The following CCDC30 variants were observed in gnomAD, a reference collection of about 807,000 sequenced individuals.
The protein encoded by CCDC30 is coiled-coil domain containing 30.
A neutral mutation model predicts 100.2 loss-of-function variants in CCDC30; 70 were observed. The ratio of observed to expected loss-of-function variants is 0.70; its 90% CI spans 0.58 to 0.85. The LOEUF (loss-of-function observed/expected upper bound fraction) is 0.85. Among genes scored for constraint, CCDC30 ranks in the 40% least tolerant of loss-of-function variants. The pLI, the probability that CCDC30 is intolerant of heterozygous loss-of-function variation, is 0.00. For synonymous variants in CCDC30, 233 were observed against 269.5 expected, an observed-to-expected ratio of 0.86 and a Z score of 1.33; for missense variants, 652 against 771.2, an observed-to-expected ratio of 0.85 and a Z score of 1.83.
rs184103050 is a variant in CCDC30 at position 42,579,427 on chromosome 1, A to G, written c.847-1933A>G. 6.0e-4 allele frequency among the ~76,000 whole-genome samples: 90 copies of G among 149,046 alleles called. 1 individual carries two copies. The highest frequency in any genetic ancestry group is 2.2e-3 in the African/African-American group (90 of 40,620). On this transcript the variant is annotated intron_variant, in intron 8 of 16. Coordinates refer to ENST00000668663, the Ensembl canonical transcript of CCDC30. ...GGTGGGTGGATCACCTGAGGTCAGG[A>G]GTTCGAGACCAGCCTGAACAACATG...
chr1:42,515,840 G>T (rs1358371790), intron 6 of CCDC30, among the ~76,000 whole-genome samples: 5 of 152,110 alleles, frequency 3.3e-5, no homozygotes, highest in Non-Finnish European at 7.4e-5. Flanking sequence ...ATTTAATTTA[G>T]AATGATGTCT....
At chr1:42,535,402 G>A (rs1410416226) in intron 6 of CCDC30, among the ~76,000 whole-genome samples, 1 of 151,640 alleles carries the variant, frequency 6.6e-6, no homozygotes, top group African/African-American at 2.4e-5. Flanking sequence ...TAACTAGCTC[G>A]GGATGCCATT....
At chr1:42,627,407 A>G (rs769699459) in intron 11 of CCDC30, among the ~76,000 whole-genome samples, 9 of 152,196 alleles carry the variant, frequency 5.9e-5, no homozygotes, top group East Asian at 3.8e-4. Context: ...TGATGATGCA[A>G]TAGAAAAGAA....
intron 6 of CCDC30, among the ~76,000 whole-genome samples, chr1:42,529,197 G>C (rs1644770615): frequency 6.6e-6 from 1 of 152,202 alleles, no homozygotes; most frequent in South Asian, 2.1e-4. Context: ...AAAATGAGTT[G>C]CTGCGGTGGC....
chr1:42,539,407 G>A, intron 6 of CCDC30, 97 bp downstream of exon 8: 1 of 1,122,382 alleles, frequency 8.9e-7, no homozygotes. Context: ...GATGATTTGG[G>A]AATTGGAGTT....
intron 11 of CCDC30, among the ~76,000 whole-genome samples, chr1:42,624,115 TC>T (rs1307413756): frequency 6.6e-6 from 1 of 152,222 alleles, no homozygotes. Flanking sequence ...GTTTATGAGT[TC>T]TAGTACTTCT....
In CCDC30 at chr1:42,653,889, CA is replaced by C; in HGVS notation, c.1996del (p.Met666TrpfsTer25). 6.2e-7 allele frequency: 1 copy of C among 1,614,032 alleles called. No homozygotes were observed. Among genetic ancestry groups the C allele is most frequent in the Non-Finnish European group, 8.5e-7 (1 of 1,179,910 alleles). ...ACTGAAGAGATCAAGTCAAAAGAAG[CA>C]ATGGCAAGTTCAAAGTCCCCTGAAA... On this transcript the variant is annotated frameshift_variant, in exon 17 of 17. Coordinates refer to ENST00000668663, the Ensembl canonical transcript of CCDC30. LOFTEE classifies it low-confidence loss of function (END_TRUNC).
intron 9 of CCDC30, among the ~76,000 whole-genome samples, chr1:42,581,936 T>C (rs1289806266): frequency 6.6e-6 from 1 of 151,828 alleles, no homozygotes; most frequent in Non-Finnish European, 1.5e-5. Flanking sequence ...ATAAAAAATA[T>C]ATTGGCCAGG....
chr1:42,573,211 A>G (rs1028472417), intron 7 of CCDC30, among the ~76,000 whole-genome samples: 1 of 152,200 alleles, frequency 6.6e-6, no homozygotes, highest in Admixed American at 6.5e-5. Context: ...TTGGAATTAC[A>G]TTGAATCTAT....
chr1:42,582,542 A>G (rs1478343802), intron 9 of CCDC30, among the ~76,000 whole-genome samples: 1 of 152,238 alleles, frequency 6.6e-6, no homozygotes, highest in African/African-American at 2.4e-5. Context: ...GAGCATTGTC[A>G]TGGTAGAGAA....
intron 11 of CCDC30, among the ~76,000 whole-genome samples, chr1:42,629,638 CT>C (rs531848847): frequency 3.1e-4 from 46 of 146,726 alleles, no homozygotes; most frequent in Admixed American, 4.1e-4. Context: ...TTTTTCTTTT[CT>C]TTTTTTTTTT....
chr1:42,509,490 C>T (rs1644444938), intron 6 of CCDC30, among the ~76,000 whole-genome samples: 1 of 152,154 alleles, frequency 6.6e-6, no homozygotes, highest in African/African-American at 2.4e-5. Flanking sequence ...GACCCCCACC[C>T]AGGAACTGAC....
intron 6 of CCDC30, among the ~76,000 whole-genome samples, chr1:42,544,970 G>A (rs1012989751): frequency 2.6e-5 from 4 of 151,306 alleles, no homozygotes; most frequent in African/African-American, 9.7e-5. Context: ...ATGTTTTCTG[G>A]CAGCAATATA....
chr1:42,548,285 A>T (rs962833122), intron 6 of CCDC30, among the ~76,000 whole-genome samples: 4 of 152,208 alleles, frequency 2.6e-5, no homozygotes, highest in African/African-American at 7.2e-5. Context: ...TATTTGGCTC[A>T]TCTGTCTTTG....
chr1:42,487,526 C>T (rs995173442), intron 3 of CCDC30, among the ~76,000 whole-genome samples: 1 of 152,146 alleles, frequency 6.6e-6, no homozygotes, highest in Non-Finnish European at 1.5e-5. Context: ...GGGAGATTAT[C>T]TTACTTGAGC....
chr1:42,655,867 C>CTTTTTTTTTT (rs766715541), downstream of CCDC30, among the ~76,000 whole-genome samples: 43 of 87,292 alleles, frequency 4.9e-4, no homozygotes, highest in Non-Finnish European at 7.5e-4. Context: ...GCTGTTTTTA[C>CTTTTTTTTTT]TTTTTTTTTT....
In CCDC30 at chr1:42,561,338, G is replaced by A. The variant is rs184957474; in HGVS notation, c.457-4958G>A. Among the ~76,000 whole-genome samples the A allele has an allele frequency of 1.2e-3, 182 of 152,030 alleles. 1 individual carries two copies. The highest frequency in any genetic ancestry group is 4.1e-3 in the African/African-American group (170 of 41,466). On this transcript the variant is annotated intron_variant, in intron 6 of 16. Coordinates refer to ENST00000668663, the Ensembl canonical transcript of CCDC30. ...AATAAACATAATCCATCACATAAAC[G>A]GAACCAAAGACAAAAACACATGGTT... is the stretch of plus-strand genomic sequence containing the variant.
chr1:42,483,934 G>A (rs1295529817), intron 3 of CCDC30, among the ~76,000 whole-genome samples: 1 of 151,656 alleles, frequency 6.6e-6, no homozygotes, highest in East Asian at 1.9e-4. Flanking sequence ...TACTTTTATT[G>A]TTTATATTTA....
Position 42,610,888 on chromosome 1 carries a change from T to TC in CCDC30, c.1165-90_1165-89insC, listed in dbSNP as rs1229014221. The TC allele has an allele frequency of 5.8e-6, 3 of 515,010 alleles. No individual in the cohort carries two copies. In the African/African-American group the frequency reaches 6.1e-5, roughly 10 times the overall value. The allele number at this position is 515,010 out of a possible 1,614,324, so 31.9% of individuals were successfully genotyped here. On this transcript the variant is annotated intron_variant, in intron 10 of 16. Coordinates refer to ENST00000668663, the Ensembl canonical transcript of CCDC30. ...AGAAGCAGGAGTGACTATAAGCTTT[T>TC]TTTTTTTTTTTTACCAGAAAGACTT... is the stretch of plus-strand genomic sequence containing the variant.
Sources: allele counts gnomAD v4.1 joint callset (sites outside exome capture counted in the v4.1 genomes callset), GRCh38; gene constraint gnomAD v4.1.1; transcripts MANE v1.5; gene names NCBI Gene and HGNC (gene_info 2026-07-23, HGNC 2026-07-21).